LYPLAL1: variants seen among roughly 807,000 people sequenced by gnomAD.
The protein encoded by LYPLAL1 is lysophospholipase-like protein 1.
In LYPLAL1, 23 loss-of-function variants were observed where a neutral mutation model predicts 19.7. The ratio of observed to expected loss-of-function variants is 1.17; its 90% CI spans 0.84 to 1.65. LYPLAL1 has a LOEUF of 1.65. LYPLAL1 is among the 40% of genes most tolerant of loss of function. The probability of loss-of-function intolerance (pLI) is 0.00; values close to 1 mark genes in which losing one functional copy is unlikely to be tolerated. For synonymous variants in LYPLAL1, 119 were observed against 96.3 expected (o/e 1.24, Z -1.38); for missense variants, 355 against 279.4 (o/e 1.27, Z -1.93).
the LYPLAL1 span, among the ~76,000 whole-genome samples, chr1:219,296,089 A>T: frequency 6.6e-6 from 1 of 152,258 alleles, no homozygotes; most frequent in South Asian, 2.1e-4. Flanking sequence ...CATGGTGAAA[A>T]TTTTCTAAAT....
chr1:219,178,827 T>G (rs1656026396), intron 1 of LYPLAL1, among the ~76,000 whole-genome samples: 1 of 152,134 alleles, frequency 6.6e-6, no homozygotes, highest in Admixed American at 6.5e-5. Context: ...AATAAAATTT[T>G]TTTTAGAAAA....
At chr1:219,410,745 G>A in the LYPLAL1 span, among the ~76,000 whole-genome samples, 1 of 152,242 alleles carries the variant, frequency 6.6e-6, no homozygotes, top group Non-Finnish European at 1.5e-5. Flanking sequence ...CGCACTCGGA[G>A]CAGCCAGCCA....
the LYPLAL1 span, among the ~76,000 whole-genome samples, chr1:219,432,171 C>A: frequency 1.3e-5 from 2 of 152,090 alleles, no homozygotes; most frequent in Non-Finnish European, 2.9e-5. Flanking sequence ...AGTAAATAGC[C>A]AATTTAGAAG....
At chr1:219,277,055 A>G in the LYPLAL1 span, among the ~76,000 whole-genome samples, 2 of 152,332 alleles carry the variant, frequency 1.3e-5, no homozygotes, top group East Asian at 1.9e-4. Flanking sequence ...GAATTTTAGC[A>G]GTAGATATCA....
At chr1:219,417,909 C>T in the LYPLAL1 span, among the ~76,000 whole-genome samples, 7 of 152,234 alleles carry the variant, frequency 4.6e-5, no homozygotes, top group Admixed American at 1.3e-4. Context: ...ACTGAGTGGG[C>T]GCCATGACCT....
chr1:219,365,301 T>C, the LYPLAL1 span, among the ~76,000 whole-genome samples: 1 of 152,202 alleles, frequency 6.6e-6, no homozygotes, highest in African/African-American at 2.4e-5. Context: ...CAATGCTTAA[T>C]GATATGTACA....
the LYPLAL1 span, among the ~76,000 whole-genome samples, chr1:219,243,924 A>AG: frequency 2.0e-5 from 3 of 151,564 alleles, no homozygotes; most frequent in Admixed American, 1.3e-4. Flanking sequence ...CATCTCAAAA[A>AG]AAAAAAAAAA....
chr1:219,369,061 A>G, the LYPLAL1 span, among the ~76,000 whole-genome samples: 2 of 152,386 alleles, frequency 1.3e-5, no homozygotes, highest in South Asian at 4.1e-4. Flanking sequence ...GAAACCAAAT[A>G]AAATGGGATG....
chr1:219,238,443 G>A, the LYPLAL1 span, among the ~76,000 whole-genome samples: 26 of 150,614 alleles, frequency 1.7e-4, no homozygotes, highest in African/African-American at 6.1e-4. Flanking sequence ...GAGCCACTGC[G>A]CCCGGCCTAA....
chr1:219,325,533 T>C, the LYPLAL1 span, among the ~76,000 whole-genome samples: 15 of 152,352 alleles, frequency 9.8e-5, no homozygotes, highest in Admixed American at 7.2e-4. Context: ...TTTACACTTA[T>C]ATGACTTTGT....
chr1:219,440,858 A>G, the LYPLAL1 span, among the ~76,000 whole-genome samples: 1 of 152,224 alleles, frequency 6.6e-6, no homozygotes, highest in African/African-American at 2.4e-5. Flanking sequence ...GTGTATCTAA[A>G]TAGTAGTCAT....
At chr1:219,408,077 A>C in the LYPLAL1 span, among the ~76,000 whole-genome samples, 2 of 152,142 alleles carry the variant, frequency 1.3e-5, no homozygotes, top group Non-Finnish European at 2.9e-5. Context: ...TCACTCTATA[A>C]CAACATGTCA....
chr1:219,333,816 C>T, the LYPLAL1 span, among the ~76,000 whole-genome samples: 1 of 151,886 alleles, frequency 6.6e-6, no homozygotes, highest in African/African-American at 2.4e-5. Flanking sequence ...TCTCACTGTC[C>T]AGCTGAATCA....
At chr1:219,324,037 G>A in the LYPLAL1 span, among the ~76,000 whole-genome samples, 29 of 152,214 alleles carry the variant, frequency 1.9e-4, 1 homozygote, top group Admixed American at 1.8e-3. Flanking sequence ...CTAAATGTGC[G>A]TTTCTCTCTG....
At chr1:219,284,810 T>C in the LYPLAL1 span, among the ~76,000 whole-genome samples, 21 of 152,218 alleles carry the variant, frequency 1.4e-4, no homozygotes, top group Non-Finnish European at 2.8e-4. Context: ...CTCGTAACCT[T>C]TCCCTGCCTC....
the LYPLAL1 span, among the ~76,000 whole-genome samples, chr1:219,428,121 C>T: frequency 6.6e-6 from 1 of 152,188 alleles, no homozygotes; most frequent in Admixed American, 6.5e-5. Context: ...AGGAGTTCAG[C>T]AAAACCCAAA....
chr1:219,414,437 C>G, the LYPLAL1 span, among the ~76,000 whole-genome samples: 1 of 152,190 alleles, frequency 6.6e-6, no homozygotes, highest in Non-Finnish European at 1.5e-5. Context: ...AATATCCGGA[C>G]TTAAATTCCA....
At chr1:219,299,264 A>G in the LYPLAL1 span, among the ~76,000 whole-genome samples, 1 of 152,012 alleles carries the variant, frequency 6.6e-6, no homozygotes, top group African/African-American at 2.4e-5. Context: ...ACAGATAACC[A>G]ATTGGAAGCA....
At chr1:219,380,959 A>G in the LYPLAL1 span, among the ~76,000 whole-genome samples, 1 of 152,150 alleles carries the variant, frequency 6.6e-6, no homozygotes, top group Non-Finnish European at 1.5e-5. Flanking sequence ...CTTGCTCTGT[A>G]TGACAAGAAA....
Sources: allele counts gnomAD v4.1 joint callset (sites outside exome capture counted in the v4.1 genomes callset), GRCh38; gene constraint gnomAD v4.1.1; transcripts MANE v1.5; gene names NCBI Gene and HGNC (gene_info 2026-07-23, HGNC 2026-07-21).